The following MRTFA variants were observed in gnomAD, a reference collection of about 807,000 sequenced individuals.
The protein encoded by MRTFA is myocardin-related transcription factor A.
MRTFA carries 20 observed loss-of-function variants against 83.5 expected under a neutral mutation model. The observed-to-expected ratio is 0.24, with a 90% CI of 0.17 to 0.35. The LOEUF (loss-of-function observed/expected upper bound fraction) is 0.35. Among genes scored for constraint, MRTFA ranks in the 10% least tolerant of loss-of-function variants. The pLI is 1.00. For missense variants in MRTFA, 1,200 were observed against 1,224.7 expected, an observed-to-expected ratio of 0.98 and a Z score of 0.30; for synonymous variants, 659 against 541.2, an observed-to-expected ratio of 1.22 and a Z score of -3.02.
chr22:40,500,367 ATTTTTTATT>A (rs1197366329), intron 3 of MRTFA, among the ~76,000 whole-genome samples: 1 of 122,520 alleles, frequency 8.2e-6, no homozygotes, highest in Admixed American at 8.1e-5. Context: ...TTAACATTTC[ATTTTTTATT>A]TTTTTTATAT....
At chr22:40,516,086 C>G (rs929847761) in intron 3 of MRTFA, among the ~76,000 whole-genome samples, 3 of 152,030 alleles carry the variant, frequency 2.0e-5, no homozygotes, top group Non-Finnish European at 4.4e-5. Flanking sequence ...TTGCAAACAT[C>G]TCAAGGACTG....
At chr22:40,634,824 T>C (rs561979425) in intron 1 of MRTFA, among the ~76,000 whole-genome samples, 2 of 152,354 alleles carry the variant, frequency 1.3e-5, no homozygotes, top group African/African-American at 2.4e-5. Context: ...CACTCCCTAA[T>C]AGCATCTGGC....
At chr22:40,422,709 T>G (rs2052867187) in intron 9 of MRTFA, among the ~76,000 whole-genome samples, 1 of 151,952 alleles carries the variant, frequency 6.6e-6, no homozygotes, top group Admixed American at 6.5e-5. Context: ...AGCCAGGGAG[T>G]GCCACAAGAA....
chr22:40,457,432 G>GAA lies in MRTFA; in HGVS notation c.307+5787_307+5788dup, dbSNP rs1049289945. Among the ~76,000 whole-genome samples, 7 of 90,902 alleles carry GAA rather than the reference G, an allele frequency of 7.7e-5. No individual in the cohort carries two copies. The East Asian group carries it at 1.7e-3, about 22-fold the overall frequency. 59.6% of individuals were successfully genotyped at this position (90,902 alleles called of 152,430 possible). ...AGAGAGAGAGACAGAATGAAAGAAA[G>GAA]AAAGAGAAAGAAAGAAAGAAAGAAA... On this transcript the variant is annotated intron_variant, in intron 4 of 14. Transcript: ENST00000355630.
chr22:40,452,235 C>T (rs887624317), intron 4 of MRTFA, among the ~76,000 whole-genome samples: 10 of 152,106 alleles, frequency 6.6e-5, no homozygotes, highest in Admixed American at 1.3e-4. Flanking sequence ...CCACCTGCCT[C>T]GGCCTCCCCA....
chr22:40,584,369 T>C (rs1301456299), intron 2 of MRTFA, among the ~76,000 whole-genome samples: 8 of 152,312 alleles, frequency 5.3e-5, no homozygotes, highest in Middle Eastern at 3.4e-3. Context: ...TAGTGCCTTT[T>C]CCAAAAGCCA....
chr22:40,433,949 A>T (rs10483203), intron 5 of MRTFA, among the ~76,000 whole-genome samples: 12,530 of 152,282 alleles, frequency 0.082, 803 homozygotes, highest in East Asian at 0.24. Flanking sequence ...GCTCAAAAAA[A>T]ATCTAGAATC....
chr22:40,528,512 C>T (rs1602388223), intron 3 of MRTFA, among the ~76,000 whole-genome samples: 1 of 151,686 alleles, frequency 6.6e-6, no homozygotes, highest in Admixed American at 6.6e-5. Context: ...CAGAGGCGGG[C>T]GGATCACCTG....
intron 3 of MRTFA, among the ~76,000 whole-genome samples, chr22:40,476,139 G>A (rs548238861): frequency 4.4e-5 from 6 of 136,692 alleles, no homozygotes; most frequent in African/African-American, 1.3e-4. Flanking sequence ...GCAAGACTCC[G>A]TCTCAAAAAA....
At chr22:40,608,308 G>A (rs1200127964) in intron 1 of MRTFA, among the ~76,000 whole-genome samples, 1 of 152,156 alleles carries the variant, frequency 6.6e-6, no homozygotes, top group East Asian at 1.9e-4. Context: ...GAGCCACCAT[G>A]CCCGGCCTGT....
At chr22:40,524,001 G>C (rs1411711284) in intron 3 of MRTFA, among the ~76,000 whole-genome samples, 1 of 152,148 alleles carries the variant, frequency 6.6e-6, no homozygotes, top group Non-Finnish European at 1.5e-5. Context: ...CAGAAAATCA[G>C]AAAGATACAG....
At position 40,417,350 on chromosome 22, in the gene MRTFA, G is replaced by A. The variant is rs931120351; in HGVS notation, c.2508C>T (p.Pro836=). Residue 836 remains proline, a synonymous_variant, in exon 13 of 15, where the codon CCC becomes CCT. Coordinates refer to ENST00000355630, the MANE Select transcript of MRTFA (RefSeq NM_020831.6). ...AGCCCGCCTTCCTCACCTGCTGTTT[G>A]GGCTGCTGGCTCATGGCTTCCTCAT... 2 of 1,611,126 alleles carry A rather than the reference G, an allele frequency of 1.2e-6. No homozygotes were observed. The highest frequency in any genetic ancestry group is 8.5e-7 in the Non-Finnish European group (1 of 1,179,680).
chr22:40,456,548 C>T lies in MRTFA; in HGVS notation c.307+6673G>A, dbSNP rs574141848. Among the ~76,000 whole-genome samples the T allele has an allele frequency of 1.3e-4, 20 of 152,168 alleles. No homozygotes were observed. The South Asian group carries it at 3.5e-3, about 27-fold the overall frequency. On this transcript the variant is annotated intron_variant, in intron 4 of 14. Transcript: ENST00000355630. ...ACTAATAATACAAAAACTAGCTGGACGTGCTGGCCCGCACCTGTAGTCTCA... is the reference window on the plus strand; with the variant it reads ...ACTAATAATACAAAAACTAGCTGGATGTGCTGGCCCGCACCTGTAGTCTCA...
At chr22:40,486,754 C>T (rs1006871028) in intron 3 of MRTFA, among the ~76,000 whole-genome samples, 12 of 152,192 alleles carry the variant, frequency 7.9e-5, no homozygotes, top group African/African-American at 2.9e-4. Flanking sequence ...CTTTGGGAGG[C>T]TGAGGCTGGT....
chr22:40,421,838 T>C (rs1264887861), intron 9 of MRTFA, among the ~76,000 whole-genome samples: 1 of 151,888 alleles, frequency 6.6e-6, no homozygotes, highest in African/African-American at 2.4e-5. Flanking sequence ...GAGCAGAGAA[T>C]GGCAGACAAA....
In MRTFA at chr22:40,557,842, C is replaced by T. The variant is rs1365470613; in HGVS notation, c.-21-5475G>A. Among the ~76,000 whole-genome samples, 7 of 151,808 alleles carry T rather than the reference C, an allele frequency of 4.6e-5. No homozygotes were observed. In the South Asian group the frequency reaches 8.3e-4, roughly 18 times the overall value. ...AGGCTGGAGTGCAGTGGCAAGTTCT[C>T]GGCTCAGTGCAACCTCCACCTCCCG... On this transcript the variant is annotated intron_variant, in intron 2 of 14. Transcript: ENST00000355630.
At chr22:40,584,116 T>C (rs1473728173) in intron 2 of MRTFA, among the ~76,000 whole-genome samples, 1 of 152,090 alleles carries the variant, frequency 6.6e-6, no homozygotes, top group African/African-American at 2.4e-5. Context: ...GGGAAAAAAA[T>C]CAGGATGGCA....
At chr22:40,476,622 T>C (rs1283517941) in intron 3 of MRTFA, among the ~76,000 whole-genome samples, 1 of 152,000 alleles carries the variant, frequency 6.6e-6, no homozygotes, top group African/African-American at 2.4e-5. Flanking sequence ...CCACCACAAA[T>C]GGCTAATTTT....
In MRTFA at chr22:40,419,071, G is replaced by C. The variant is rs747468224; in HGVS notation, c.1667C>G (p.Thr556Ser). The change falls in exon 12 of 15, where the codon ACC (threonine) becomes AGC (serine). Residue 556 changes from threonine to serine, a missense_variant. Physicochemically the swap from Thr to Ser is moderately conservative, Grantham distance 58 (BLOSUM62 1). Transcript: ENST00000355630. ...GCTGAGCAGTGAGCGCTCCGAGGGG[G>C]TGGGAGACACGGGGGGCGTGGAGCC... The C allele has an allele frequency of 2.5e-6, 4 of 1,608,618 alleles. No homozygotes were observed. The South Asian group carries it at 4.4e-5, about 18-fold the overall frequency.
Sources: allele counts gnomAD v4.1 joint callset (sites outside exome capture counted in the v4.1 genomes callset), GRCh38; gene constraint gnomAD v4.1.1; transcripts MANE v1.5; gene names NCBI Gene and HGNC (gene_info 2026-07-23, HGNC 2026-07-21).